DAAM1: variants seen among roughly 807,000 people sequenced by gnomAD.
DAAM1 encodes the protein disheveled-associated activator of morphogenesis 1.
In DAAM1, 52 loss-of-function variants were observed where a neutral mutation model predicts 130.0. The ratio of observed to expected loss-of-function variants is 0.40; its 90% CI spans 0.32 to 0.50. The LOEUF (loss-of-function observed/expected upper bound fraction) is 0.50. Ranked by LOEUF, DAAM1 falls within the 20% of genes least tolerant of loss-of-function variation. The probability of loss-of-function intolerance (pLI) is 0.61; values close to 1 mark genes in which losing one functional copy is unlikely to be tolerated. For synonymous variants in DAAM1, 452 were observed against 444.5 expected (o/e 1.02, Z -0.21); for missense variants, 1,134 against 1,303.8 (o/e 0.87, Z 2.01).
chr14:59,330,036 C>G (rs1219218072), intron 12 of DAAM1, among the ~76,000 whole-genome samples: 1 of 152,218 alleles, frequency 6.6e-6, no homozygotes, highest in Non-Finnish European at 1.5e-5. Context: ...CCCTTCCAGC[C>G]CTTCGGCTGG....
chr14:59,329,749 T>C (rs1885347154), intron 12 of DAAM1, among the ~76,000 whole-genome samples: 2 of 152,220 alleles, frequency 1.3e-5, no homozygotes, highest in South Asian at 4.1e-4. Flanking sequence ...TTGGATGCCC[T>C]GTTTTATTAT....
intron 1 of DAAM1, among the ~76,000 whole-genome samples, chr14:59,213,804 C>T (rs1009060591): frequency 6.6e-6 from 1 of 152,102 alleles, no homozygotes; most frequent in African/African-American, 2.4e-5. Context: ...AGTCGGAAGA[C>T]AGTTTATTTT....
intron 1 of DAAM1, among the ~76,000 whole-genome samples, chr14:59,206,191 T>G (rs1007727022): frequency 1.3e-5 from 2 of 152,208 alleles, no homozygotes; most frequent in African/African-American, 4.8e-5. Flanking sequence ...ATGGAGAACC[T>G]GAAGAGATTT....
intron 2 of DAAM1, among the ~76,000 whole-genome samples, chr14:59,282,106 G>A (rs965590): frequency 6.6e-6 from 1 of 151,858 alleles, no homozygotes; most frequent in East Asian, 1.9e-4. Context: ...ATTTCCTGGG[G>A]AAAGCCTTCA....
intron 12 of DAAM1, 36 bp from the exon 13 acceptor site, chr14:59,330,463 ACT>A (rs1566707243): frequency 2.0e-6 from 3 of 1,518,682 alleles, no homozygotes; most frequent in South Asian, 2.7e-5. Flanking sequence ...AGCTTTGAAG[ACT>A]CTCCTGTTTT....
chr14:59,324,176 G>A lies in DAAM1; in HGVS notation c.823G>A (p.Val275Met). The change falls in exon 7 of 25, where the codon GTG becomes ATG. Residue 275 changes from valine (V) to methionine (M), a missense_variant. Transcript: ENST00000360909. ...AAGCACTGGGCGGTATCGAGATGAA[G>A]TGAGTCTCAAGACTGCCATCATGTC... is the stretch of plus-strand genomic sequence containing the variant. ...DKSTGRYRDE[V>M]SLKTAIMSFI... 1 of 1,460,706 alleles carries A rather than the reference G, an allele frequency of 6.8e-7. No homozygotes were observed. Among genetic ancestry groups the A allele is most frequent in the Non-Finnish European group, 9.1e-7 (1 of 1,098,084 alleles). 90.5% of individuals were successfully genotyped at this position (1,460,706 alleles called of 1,614,324 possible).
intron 1 of DAAM1, among the ~76,000 whole-genome samples, chr14:59,244,274 G>C (rs1300235284): frequency 1.3e-5 from 2 of 150,404 alleles, no homozygotes; most frequent in East Asian, 3.9e-4. Flanking sequence ...GCCCAGTCTT[G>C]GTTATGTCTT....
intron 2 of DAAM1, among the ~76,000 whole-genome samples, chr14:59,284,815 A>T (rs921314531): frequency 6.6e-6 from 1 of 152,152 alleles, no homozygotes; most frequent in Admixed American, 6.6e-5. Flanking sequence ...AAAATATGGG[A>T]TTATGTGAAT....
At chr14:59,292,019 C>T (rs1410607029) in intron 3 of DAAM1, among the ~76,000 whole-genome samples, 1 of 152,138 alleles carries the variant, frequency 6.6e-6, no homozygotes, top group Non-Finnish European at 1.5e-5. Flanking sequence ...CCAGGCATCA[C>T]TCCATGGTGA....
intron 3 of DAAM1, among the ~76,000 whole-genome samples, chr14:59,308,463 A>G (rs1884452414): frequency 6.6e-6 from 1 of 152,026 alleles, no homozygotes; most frequent in South Asian, 2.1e-4. Flanking sequence ...ACAAAAGCCA[A>G]CAAGTGCTTG....
At chr14:59,332,665 T>C (rs1449580775) in intron 15 of DAAM1, among the ~76,000 whole-genome samples, 1 of 152,164 alleles carries the variant, frequency 6.6e-6, no homozygotes, top group Non-Finnish European at 1.5e-5. Context: ...CCTCTTAAAG[T>C]TAGACCAGAA....
chr14:59,335,358 A>G (rs574024899), intron 15 of DAAM1, among the ~76,000 whole-genome samples: 49 of 152,330 alleles, frequency 3.2e-4, no homozygotes, highest in African/African-American at 1.1e-3. Flanking sequence ...TTGAAAGTCA[A>G]TGTCTTGAAT....
chr14:59,320,533 G>A lies in DAAM1; in HGVS notation c.389G>A (p.Arg130Lys). The A allele has an allele frequency of 1.2e-6, 2 of 1,606,210 alleles. No individual in the cohort carries two copies. The highest frequency in any genetic ancestry group is 1.1e-5 in the South Asian group (1 of 89,254). Residue 130 changes from arginine (R) to lysine (K), a missense_variant, in exon 5 of 25, where the codon AGA (arginine) becomes AAA (lysine). Arg to Lys is a conservative substitution (Grantham distance 26). Around this residue, in one of 3 missense-constraint regions of DAAM1, gnomAD observed 391 missense variants for 521.6 expected, o/e 0.75. Coordinates refer to ENST00000360909, the MANE Select transcript of DAAM1 (RefSeq NM_001270520.2). ...TTAGAGAAGGAAGAAGAAGAAGAAA[G>A]AAGTAAAACTATAGAGAGTTTAAAG... Reference protein sequence around the residue: ...LALEKEEEEERSKTIESLKTA... With the variant: ...LALEKEEEEEKSKTIESLKTA...
chr14:59,236,441 G>A (rs117649384), intron 1 of DAAM1, among the ~76,000 whole-genome samples: 1,850 of 152,088 alleles, frequency 0.012, 21 homozygotes, highest in Middle Eastern at 0.065. Flanking sequence ...TTGTTTTTGA[G>A]CATGCCTCAC....
intron 1 of DAAM1, among the ~76,000 whole-genome samples, chr14:59,212,386 C>T (rs1225907250): frequency 6.6e-6 from 1 of 152,062 alleles, no homozygotes; most frequent in Admixed American, 6.6e-5. Flanking sequence ...GTAATTAAGT[C>T]AAAGTTTTGA....
intron 4 of DAAM1, among the ~76,000 whole-genome samples, chr14:59,320,261 A>G (rs1204283526): frequency 6.6e-6 from 1 of 152,224 alleles, no homozygotes; most frequent in African/African-American, 2.4e-5. Flanking sequence ...TCTACATCAA[A>G]GTGTAATTAT....
intron 1 of DAAM1, among the ~76,000 whole-genome samples, chr14:59,219,143 G>A (rs1003175416): frequency 6.6e-6 from 1 of 152,102 alleles, no homozygotes; most frequent in African/African-American, 2.4e-5. Flanking sequence ...GGCATTTGGT[G>A]GTGATGGTGT....
intron 1 of DAAM1, among the ~76,000 whole-genome samples, chr14:59,250,130 C>G (rs902624158): frequency 1.3e-5 from 2 of 152,206 alleles, no homozygotes; most frequent in African/African-American, 4.8e-5. Flanking sequence ...ATGTTCTCTT[C>G]TAACTGGCCC....
rs1882273570 is a variant in DAAM1 at position 59,263,465 on chromosome 14, A to G, written c.-13A>G. The G allele has an allele frequency of 1.9e-6, 3 of 1,614,052 alleles. No individual in the cohort carries two copies. The highest frequency in any genetic ancestry group is 2.5e-6 in the Non-Finnish European group (3 of 1,179,990). On this transcript the variant is annotated 5_prime_UTR_variant, in exon 2 of 25. Coordinates refer to ENST00000360909, the MANE Select transcript of DAAM1 (RefSeq NM_001270520.2). ...GCGTTTAGTCACATCAAGAAATAGAACAGAATTCAGCCATGGCCCCAAGAA... is the reference window on the plus strand; with the variant it reads ...GCGTTTAGTCACATCAAGAAATAGAGCAGAATTCAGCCATGGCCCCAAGAA...
Sources: allele counts gnomAD v4.1 joint callset (sites outside exome capture counted in the v4.1 genomes callset), GRCh38; gene constraint gnomAD v4.1.1; regional missense constraint gnomAD v4.1.1; transcripts MANE v1.5; gene names NCBI Gene and HGNC (gene_info 2026-07-23, HGNC 2026-07-21).